The following PI4KA variants were observed in gnomAD, a reference collection of about 807,000 sequenced individuals.
PI4KA encodes PI4-kinase alpha.
Under a neutral mutation model 271.4 loss-of-function variants are expected in PI4KA, and 122 were observed. The observed-to-expected ratio is 0.45, with a 90% CI of 0.39 to 0.52. The LOEUF (loss-of-function observed/expected upper bound fraction) is 0.52, where lower values mean the gene tolerates loss of function less well. Among genes scored for constraint, PI4KA ranks in the 20% least tolerant of loss-of-function variants. The pLI is 0.00. For synonymous variants in PI4KA, 1,041 were observed against 1,078.8 expected (o/e 0.96, Z 0.69); for missense variants, 1,969 against 2,769.1 (o/e 0.71, Z 6.48).
chr22:20,780,775 C>CAAAAAA lies in PI4KA; in HGVS notation c.2328+12412_2328+12417dup, dbSNP rs538327544. 7.1e-3 allele frequency among the ~76,000 whole-genome samples: 482 copies of CAAAAAA among 67,650 alleles called. 12 individuals are homozygous for CAAAAAA. The highest frequency in any genetic ancestry group is 0.065 in the East Asian group (141 of 2,170). 44.4% of individuals were successfully genotyped at this position (67,650 alleles called of 152,430 possible). A position where few individuals can be genotyped will look rare whatever the true frequency, so the allele number is the denominator to read the frequency against. ...TGGACGACAGAGTGAGACTCCATCT[C>CAAAAAA]AAAAAAAAAAAAAAAAGAAGTAAAA... On this transcript the variant is annotated intron_variant, in intron 19 of 54. Coordinates refer to ENST00000255882, the MANE Select transcript of PI4KA (RefSeq NM_058004.4).
chr22:20,807,283 T>C (rs1935714252), intron 10 of PI4KA, 79 bp downstream of exon 10: 1 of 853,432 alleles, frequency 1.2e-6, no homozygotes, highest in Admixed American at 1.9e-5. Context: ...TGAGTACCAG[T>C]CTGCAACCAC....
At chr22:20,806,008 A>C (rs1016270173) in intron 10 of PI4KA, among the ~76,000 whole-genome samples, 44 of 152,182 alleles carry the variant, frequency 2.9e-4, no homozygotes, top group African/African-American at 1.0e-3. Flanking sequence ...TGCACGCACA[A>C]GTCAGCCCAG....
chr22:20,774,626 T>C lies in PI4KA; in HGVS notation c.2329-8933A>G, dbSNP rs1488068218. On this transcript the variant is annotated intron_variant, in intron 19 of 54. Transcript: ENST00000255882. ...AAATACAAAAATTAGCTGGGCGTGG[T>C]GGCACGCGCCTGTAATCCCAGCTAC... Among the ~76,000 whole-genome samples, 3 of 151,968 alleles carry C rather than the reference T, an allele frequency of 2.0e-5. 1 individual carries two copies. The highest frequency in any genetic ancestry group is 7.3e-5 in the African/African-American group (3 of 41,376).
chr22:20,758,496 G>C (rs1285828254), intron 23 of PI4KA, among the ~76,000 whole-genome samples: 1 of 92,406 alleles, frequency 1.1e-5, no homozygotes, highest in Non-Finnish European at 2.1e-5. Context: ...GCTATCGTTA[G>C]TGTTAGTATG....
chr22:20,750,391 T>C (rs1930539563), intron 27 of PI4KA, among the ~76,000 whole-genome samples: 1 of 152,178 alleles, frequency 6.6e-6, no homozygotes, highest in Non-Finnish European at 1.5e-5. Flanking sequence ...ACTTCGGCCC[T>C]CAGAACTGTA....
At chr22:20,780,228 A>G (rs1227373525) in intron 19 of PI4KA, 7 of 1,614,196 alleles carry the variant, frequency 4.3e-6, no homozygotes, top group Middle Eastern at 3.3e-4. Flanking sequence ...CAGTTCTCAC[A>G]GCAAACCCAC....
At chr22:20,780,303 C>T in intron 19 of PI4KA, 2 of 1,551,186 alleles carry the variant, frequency 1.3e-6, no homozygotes, top group Admixed American at 3.3e-5. Flanking sequence ...ATAATTTATC[C>T]AGGAAAACTA....
chr22:20,805,451 T>A (rs899010102), intron 10 of PI4KA, among the ~76,000 whole-genome samples: 1 of 152,210 alleles, frequency 6.6e-6, no homozygotes, highest in South Asian at 2.1e-4. Context: ...CCTGAATACA[T>A]GAAACATATA....
chr22:20,828,425 C>T (rs1356005064), intron 3 of PI4KA, among the ~76,000 whole-genome samples: 1 of 152,082 alleles, frequency 6.6e-6, no homozygotes, highest in Non-Finnish European at 1.5e-5. Flanking sequence ...GCATCTTTGT[C>T]TTGTTCTGGT....
At position 20,742,629 on chromosome 22, in the gene PI4KA, C is replaced by T. The variant is rs1929601378; in HGVS notation, c.3592G>A (p.Ala1198Thr). The change falls in exon 31 of 55, where the codon GCA becomes ACA. Residue 1198 changes from alanine (A) to threonine (T), a missense_variant. Coordinates refer to ENST00000255882, the MANE Select transcript of PI4KA (RefSeq NM_058004.4). ...TTACCTTTACTGCTAATGAGCATTG[C>T]GGTCAGCTTGAACATGGCCTGCGTG... is the stretch of plus-strand genomic sequence containing the variant. The part of the protein sequence containing the change: ...HYTQAMFKLT[A>T]MLISSKDCDP... 1 of 1,614,100 alleles carries T rather than the reference C, an allele frequency of 6.2e-7. No individual in the cohort carries two copies. Among genetic ancestry groups the T allele is most frequent in the Non-Finnish European group, 8.5e-7 (1 of 1,179,956 alleles).
intron 23 of PI4KA, among the ~76,000 whole-genome samples, chr22:20,759,195 T>G (rs950507140): frequency 5.3e-5 from 8 of 151,980 alleles, no homozygotes; most frequent in African/African-American, 1.7e-4. Context: ...GACAGGCATG[T>G]TCCACCATGC....
At chr22:20,844,780 G>A (rs1050257506) in intron 1 of PI4KA, among the ~76,000 whole-genome samples, 3 of 152,034 alleles carry the variant, frequency 2.0e-5, no homozygotes, top group Non-Finnish European at 2.9e-5. Flanking sequence ...CCTCACAACA[G>A]CTCATTAGGT....
intron 1 of PI4KA, among the ~76,000 whole-genome samples, chr22:20,849,732 T>C (rs1203934342): frequency 6.6e-6 from 1 of 152,030 alleles, no homozygotes; most frequent in African/African-American, 2.4e-5. Context: ...CGGGCGCCTG[T>C]AGTCCCAGCT....
intron 23 of PI4KA, among the ~76,000 whole-genome samples, chr22:20,755,098 T>G (rs190623251): frequency 6.6e-6 from 1 of 152,338 alleles, no homozygotes; most frequent in East Asian, 1.9e-4. Flanking sequence ...CTCTTCTATT[T>G]TTATTAATAG....
chr22:20,805,699 G>A (rs1002413927), intron 10 of PI4KA, among the ~76,000 whole-genome samples: 16 of 152,030 alleles, frequency 1.1e-4, no homozygotes, highest in South Asian at 4.2e-4. Context: ...GGGCGTGGTG[G>A]TGGGCGCCTG....
chr22:20,832,749 C>T (rs1279344831), intron 3 of PI4KA, among the ~76,000 whole-genome samples: 1 of 152,164 alleles, frequency 6.6e-6, no homozygotes, highest in Non-Finnish European at 1.5e-5. Flanking sequence ...GCCACTGTGC[C>T]CGGCCGGTTT....
At chr22:20,720,027 A>G (rs1330248682) in intron 43 of PI4KA, among the ~76,000 whole-genome samples, 1 of 73,096 alleles carries the variant, frequency 1.4e-5, no homozygotes, top group South Asian at 3.9e-4. Context: ...CTCTGTCTCA[A>G]AAAAAAAAAA....
At chr22:20,773,022 T>C (rs371812386) in intron 19 of PI4KA, among the ~76,000 whole-genome samples, 3 of 151,514 alleles carry the variant, frequency 2.0e-5, no homozygotes, top group Non-Finnish European at 2.9e-5. Context: ...GCTCGGGAGG[T>C]TGAGGCTGCA....
In PI4KA at chr22:20,784,209, G is replaced by A. The variant is rs375640869; in HGVS notation, c.2328+8984C>T. The A allele has an allele frequency of 7.0e-5, 113 of 1,614,170 alleles. No homozygotes were observed. The South Asian group carries it at 1.0e-3, about 15-fold the overall frequency. On this transcript the variant is annotated intron_variant, in intron 19 of 54. Transcript: ENST00000255882. ...ACCCTCGAAGCGCAACTGACACCCC[G>A]GGTGGTGGAGAGATGGCAAAAAAGC...
Sources: gnomAD v4.1 joint callset for allele counts (sites outside exome capture counted in the v4.1 genomes callset) on GRCh38, gnomAD v4.1.1 for gene constraint, MANE v1.5 for transcripts, NCBI Gene and HGNC (gene_info 2026-07-23, HGNC 2026-07-21) for gene names.